Variants in USH2A observed in about 807,000 individuals in gnomAD.
USH2A encodes usherin.
A neutral mutation model predicts 538.9 loss-of-function variants in USH2A; 443 were observed. The ratio of observed to expected loss-of-function variants is 0.82; its 90% CI spans 0.76 to 0.89. The LOEUF is 0.89. Ranked by LOEUF, USH2A falls within the 40% of genes least tolerant of loss-of-function variation. USH2A has a pLI of 0.00. For synonymous variants in USH2A, 2,413 were observed against 2,273.5 expected (o/e 1.06, Z -1.75); for missense variants, 6,633 against 6,324.8 (o/e 1.05, Z -1.65).
intron 20 of USH2A, among the ~76,000 whole-genome samples, chr1:216,186,235 A>C (rs199820074): frequency 6.6e-4 from 100 of 151,828 alleles, no homozygotes; most frequent in African/African-American, 2.0e-3. Context: ...AAAAAAAAAA[A>C]ACACATTTGA....
At chr1:215,950,130 T>C (rs938976662) in intron 37 of USH2A, among the ~76,000 whole-genome samples, 1 of 152,178 alleles carries the variant, frequency 6.6e-6, no homozygotes, top group African/African-American at 2.4e-5. Flanking sequence ...TTCAAAAATA[T>C]ACTCAACCTT....
At chr1:216,389,221 T>C (rs1044457256) in intron 3 of USH2A, among the ~76,000 whole-genome samples, 1 of 151,836 alleles carries the variant, frequency 6.6e-6, no homozygotes, top group Non-Finnish European at 1.5e-5. Context: ...AAAAAAAGAG[T>C]CTTAAGGATG....
intron 4 of USH2A, among the ~76,000 whole-genome samples, chr1:216,337,823 A>G (rs997831815): frequency 2.6e-5 from 4 of 151,426 alleles, no homozygotes; most frequent in Non-Finnish European, 5.9e-5. Flanking sequence ...ATGGTGTTGG[A>G]AATAAGAATG....
chr1:215,853,431 C>T (rs994999982), intron 44 of USH2A, among the ~76,000 whole-genome samples: 1 of 152,196 alleles, frequency 6.6e-6, no homozygotes, highest in African/African-American at 2.4e-5. Context: ...TCATGAAGAC[C>T]TCTGACATGC....
intron 9 of USH2A, among the ~76,000 whole-genome samples, chr1:216,319,846 A>G (rs1301356673): frequency 6.6e-6 from 1 of 152,206 alleles, no homozygotes; most frequent in African/African-American, 2.4e-5. Context: ...AAACCTTTAC[A>G]GATGGTTTTT....
intron 58 of USH2A, among the ~76,000 whole-genome samples, chr1:215,750,062 C>CT (rs960403267): frequency 3.9e-5 from 6 of 152,072 alleles, no homozygotes; most frequent in African/African-American, 1.2e-4. Context: ...CTTTTTAAGT[C>CT]TTTTTTTAGG....
chr1:216,045,900 T>C (rs2030494721), intron 32 of USH2A, among the ~76,000 whole-genome samples: 1 of 152,126 alleles, frequency 6.6e-6, no homozygotes, highest in South Asian at 2.1e-4. Flanking sequence ...ACCATGAATC[T>C]AATATGACCT....
At chr1:216,063,469 T>A (rs2031250337) in intron 30 of USH2A, among the ~76,000 whole-genome samples, 1 of 152,168 alleles carries the variant, frequency 6.6e-6, no homozygotes, top group African/African-American at 2.4e-5. Flanking sequence ...ACCTTCTACC[T>A]ATGTCCTTGA....
intron 67 of USH2A, among the ~76,000 whole-genome samples, chr1:215,644,848 A>G (rs1193523860): frequency 1.3e-5 from 2 of 152,212 alleles, no homozygotes; most frequent in East Asian, 3.9e-4. Flanking sequence ...CAGAGAGAGT[A>G]GAGTCCACAT....
chr1:215,929,695 C>T (rs1054867121), intron 38 of USH2A, among the ~76,000 whole-genome samples: 1 of 151,982 alleles, frequency 6.6e-6, no homozygotes, highest in Non-Finnish European at 1.5e-5. Flanking sequence ...GTTGTTCAAT[C>T]CTCCAGTCAG....
intron 21 of USH2A, among the ~76,000 whole-genome samples, chr1:216,138,091 G>GA (rs1185311792): frequency 7.1e-4 from 108 of 152,242 alleles, no homozygotes; most frequent in African/African-American, 2.4e-3. Flanking sequence ...AGAATGATAT[G>GA]ATTGTATTGG....
intron 60 of USH2A, among the ~76,000 whole-genome samples, chr1:215,740,835 T>A (rs1267758073): frequency 6.6e-6 from 1 of 152,110 alleles, no homozygotes; most frequent in East Asian, 1.9e-4. Flanking sequence ...CCTCAGATCA[T>A]CAGGCATTAG....
At position 215,828,330 on chromosome 1, in the gene USH2A, T is replaced by C. The variant is rs571348062; in HGVS notation, c.9371+9661A>G. Among the ~76,000 whole-genome samples, 285 of 152,222 alleles carry C rather than the reference T, an allele frequency of 1.9e-3. 1 individual carries two copies. Among genetic ancestry groups the C allele is most frequent in the African/African-American group, 6.7e-3 (278 of 41,550 alleles). ...TGTATTAGCTGGGTGTGGTGGCATA[T>C]GCCTATTGTCCCAGCTACTCAGGAG... On this transcript the variant is annotated intron_variant, in intron 47 of 71. Coordinates refer to ENST00000307340, the MANE Select transcript of USH2A (RefSeq NM_206933.4).
At chr1:215,970,373 C>A (rs1184842522) in intron 36 of USH2A, among the ~76,000 whole-genome samples, 3 of 152,168 alleles carry the variant, frequency 2.0e-5, no homozygotes, top group Non-Finnish European at 4.4e-5. Flanking sequence ...TTGCCTACTA[C>A]ACTAGCCAAC....
chr1:216,267,804 C>A (rs1269399357), intron 11 of USH2A, among the ~76,000 whole-genome samples: 3 of 152,064 alleles, frequency 2.0e-5, no homozygotes, highest in African/African-American at 7.2e-5. Flanking sequence ...ATACACTCCC[C>A]AAGGGCCAGA....
chr1:216,116,509 G>A (rs2033012240), intron 21 of USH2A, among the ~76,000 whole-genome samples: 1 of 151,974 alleles, frequency 6.6e-6, no homozygotes, highest in Non-Finnish European at 1.5e-5. Flanking sequence ...TTTTACTCTG[G>A]GGTTTTACAC....
intron 29 of USH2A, 32 bp downstream of exon 29, chr1:216,072,857 G>A: frequency 6.6e-7 from 1 of 1,512,336 alleles, no homozygotes; most frequent in South Asian, 1.1e-5. Context: ...ATGTGTGTGT[G>A]TGCACATATG....
intron 43 of USH2A, among the ~76,000 whole-genome samples, chr1:215,872,117 C>A (rs941194630): frequency 6.6e-6 from 1 of 152,208 alleles, no homozygotes; most frequent in Non-Finnish European, 1.5e-5. Flanking sequence ...TCTGCCACAA[C>A]CCAAAGTATT....
intron 3 of USH2A, among the ~76,000 whole-genome samples, chr1:216,398,315 A>T (rs1423469751): frequency 6.6e-6 from 1 of 152,170 alleles, no homozygotes; most frequent in East Asian, 1.9e-4. Flanking sequence ...GAATCTGAGG[A>T]CTTGAGGAAC....
Sources: gnomAD v4.1 joint callset for allele counts (sites outside exome capture counted in the v4.1 genomes callset) on GRCh38, gnomAD v4.1.1 for gene constraint, MANE v1.5 for transcripts, NCBI Gene and HGNC (gene_info 2026-07-23, HGNC 2026-07-21) for gene names.